The following PRUNE2 variants were observed in gnomAD, a reference collection of about 807,000 sequenced individuals.
PRUNE2 encodes prune homolog 2 with BCH domain, also known as protein prune homolog 2.
In PRUNE2, 164 loss-of-function variants were observed where a neutral mutation model predicts 252.0. That is an observed-to-expected ratio of 0.65 (90% CI 0.57 to 0.74). The LOEUF (loss-of-function observed/expected upper bound fraction) is 0.74, where lower values mean the gene tolerates loss of function less well. PRUNE2 is among the 30% of genes least tolerant of loss of function. The pLI is 0.00. For synonymous variants in PRUNE2, 1,292 were observed against 1,350.2 expected (o/e 0.96, Z 0.94); for missense variants, 3,495 against 3,711.0 (o/e 0.94, Z 1.51).
intron 16 of PRUNE2, 65 bp from the exon 17 acceptor site, chr9:76,624,555 G>T: frequency 8.4e-7 from 1 of 1,197,218 alleles, no homozygotes; most frequent in Non-Finnish European, 1.1e-6. Context: ...GCATGAGACA[G>T]TCACTCAGCA....
At chr9:76,835,322 T>C (rs768563884) in intron 4 of PRUNE2, among the ~76,000 whole-genome samples, 11 of 151,920 alleles carry the variant, frequency 7.2e-5, no homozygotes, top group East Asian at 1.9e-4. Flanking sequence ...ATAGGATTGA[T>C]TTTTTTCATA....
At chr9:76,680,354 AAAAC>A (rs969299847) in intron 9 of PRUNE2, among the ~76,000 whole-genome samples, 12 of 152,290 alleles carry the variant, frequency 7.9e-5, no homozygotes, top group South Asian at 2.1e-4. Context: ...AAACAAACAA[AAAAC>A]AAACAAACAA....
intron 9 of PRUNE2, among the ~76,000 whole-genome samples, chr9:76,698,441 T>G (rs571297221): frequency 6.6e-6 from 1 of 152,128 alleles, no homozygotes; most frequent in Non-Finnish European, 1.5e-5. Flanking sequence ...ACAGAGTCAG[T>G]GCTAAGTTTG....
At chr9:76,850,717 A>G (rs766044693) in intron 2 of PRUNE2, 52 bp from the exon 3 acceptor site, 1 of 1,348,736 alleles carries the variant, frequency 7.4e-7, no homozygotes, top group Non-Finnish European at 1.1e-6. Context: ...AGGAAAGAAT[A>G]CAATTACATT....
intron 4 of PRUNE2, among the ~76,000 whole-genome samples, chr9:76,838,542 G>A (rs1230626970): frequency 6.6e-6 from 1 of 151,498 alleles, no homozygotes; most frequent in Non-Finnish European, 1.5e-5. Flanking sequence ...CCACTTGGGA[G>A]GCTGAGGCAG....
At chr9:76,698,432 CAG>C (rs972484974) in intron 9 of PRUNE2, among the ~76,000 whole-genome samples, 3 of 152,194 alleles carry the variant, frequency 2.0e-5, no homozygotes, top group African/African-American at 7.2e-5. Context: ...TAAATGAACA[CAG>C]AGTCAGTGCT....
intron 6 of PRUNE2, among the ~76,000 whole-genome samples, chr9:76,796,212 T>A (rs1156635445): frequency 1.3e-5 from 2 of 152,140 alleles, no homozygotes; most frequent in Non-Finnish European, 2.9e-5. Flanking sequence ...TCTTGCTAGC[T>A]CCAAAGGAAT....
chr9:76,713,717 C>T lies in PRUNE2; in HGVS notation c.761G>A (p.Cys254Tyr), dbSNP rs761021323. Residue 254 changes from cysteine (C) to tyrosine (Y), a missense_variant, in exon 7 of 19, where the codon TGT (cysteine) becomes TAT (tyrosine). Transcript: ENST00000376718. ...ACTGGTAATATTGCTGTGAAATAGA[C>T]AATTCTGAAACGACAACAGGAAATT... ...ISTVSMNLENCLFHSNITSDL... is the reference protein window; with the variant it reads ...ISTVSMNLENYLFHSNITSDL... 1.7e-5 allele frequency: 27 copies of T among 1,589,918 alleles called. No homozygotes were observed. Among genetic ancestry groups the T allele is most frequent in the African/African-American group, 2.7e-5 (2 of 74,556 alleles).
intron 6 of PRUNE2, among the ~76,000 whole-genome samples, chr9:76,730,818 G>T (rs7864794): frequency 0.11 from 17,383 of 152,172 alleles, 1,187 homozygotes; most frequent in East Asian, 0.3. Context: ...CAGGAGAATC[G>T]CTTGAACTTG....
At chr9:76,680,190 AAAAG>A (rs1359203844) in intron 9 of PRUNE2, among the ~76,000 whole-genome samples, 3 of 152,218 alleles carry the variant, frequency 2.0e-5, no homozygotes, top group Non-Finnish European at 4.4e-5. Context: ...AAAAATGGGC[AAAAG>A]AAATGGGCAA....
chr9:76,718,879 C>G (rs1162729031), intron 6 of PRUNE2, among the ~76,000 whole-genome samples: 1 of 152,174 alleles, frequency 6.6e-6, no homozygotes, highest in Admixed American at 6.6e-5. Flanking sequence ...TTATTCGAAC[C>G]CAACATCTAG....
At position 76,867,336 on chromosome 9, in the gene PRUNE2, G is replaced by A. The variant is rs1342136134; in HGVS notation, c.37-13128C>T. Among the ~76,000 whole-genome samples, 9 of 151,642 alleles carry A rather than the reference G, an allele frequency of 5.9e-5. 1 individual carries two copies. In the South Asian group the frequency reaches 8.3e-4, roughly 14 times the overall value. ...CATGGGTACCCAACAAAGAAAAAAC[G>A]AACCGCATCAGACCACGCAAAACGA... On this transcript the variant is annotated intron_variant, in intron 1 of 18. Coordinates refer to ENST00000376718, the MANE Select transcript of PRUNE2 (RefSeq NM_015225.3).
At chr9:76,653,405 T>A (rs1848128649) in intron 10 of PRUNE2, among the ~76,000 whole-genome samples, 1 of 152,182 alleles carries the variant, frequency 6.6e-6, no homozygotes, top group African/African-American at 2.4e-5. Context: ...ATACTTCAAA[T>A]CATCTCTAGA....
intron 9 of PRUNE2, among the ~76,000 whole-genome samples, chr9:76,670,690 C>G (rs1047103435): frequency 2.0e-5 from 3 of 151,876 alleles, no homozygotes; most frequent in African/African-American, 7.3e-5. Flanking sequence ...TCTCCCAGCA[C>G]GCAGCTGGAG....
chr9:76,667,325 T>C (rs1375705838), intron 9 of PRUNE2, among the ~76,000 whole-genome samples: 1 of 152,220 alleles, frequency 6.6e-6, no homozygotes, highest in African/African-American at 2.4e-5. Context: ...CCATTGTTTT[T>C]CTTCAGAATT....
intron 16 of PRUNE2, among the ~76,000 whole-genome samples, chr9:76,627,628 G>A (rs12340276): frequency 0.017 from 2,643 of 152,202 alleles, 74 homozygotes; most frequent in African/African-American, 0.058. Flanking sequence ...GTTCACGCCC[G>A]ATATTGCTTA....
At chr9:76,659,095 G>A (rs1467585728) in intron 9 of PRUNE2, among the ~76,000 whole-genome samples, 3 of 152,338 alleles carry the variant, frequency 2.0e-5, no homozygotes, top group South Asian at 2.1e-4. Flanking sequence ...GCTGTGTCCC[G>A]AGTGCCTCTG....
chr9:76,751,815 A>G (rs533827514), intron 6 of PRUNE2, among the ~76,000 whole-genome samples: 66 of 152,348 alleles, frequency 4.3e-4, no homozygotes, highest in African/African-American at 1.3e-3. Context: ...ATTCTTTACC[A>G]AAGTCTAAGT....
chr9:76,736,662 C>G (rs536350218), intron 6 of PRUNE2: 1 of 152,226 alleles, frequency 6.6e-6, no homozygotes, highest in Non-Finnish European at 1.5e-5. Flanking sequence ...TAATCCCACT[C>G]ATGGGGGCTC....
Sources: gnomAD v4.1 joint callset for allele counts (sites outside exome capture counted in the v4.1 genomes callset) on GRCh38, gnomAD v4.1.1 for gene constraint, MANE v1.5 for transcripts, NCBI Gene and HGNC (gene_info 2026-07-23, HGNC 2026-07-21) for gene names.